The following USP24 variants were observed in gnomAD, a reference collection of about 807,000 sequenced individuals.
The protein encoded by USP24 is ubiquitin carboxyl-terminal hydrolase 24.
A neutral mutation model predicts 361.6 loss-of-function variants in USP24; 97 were observed. The observed-to-expected ratio is 0.27, with a 90% CI of 0.23 to 0.32. The LOEUF is 0.32. USP24 is among the 10% of genes least tolerant of loss of function. The pLI is 1.00. For synonymous variants in USP24, 1,098 were observed against 1,124.6 expected, an observed-to-expected ratio of 0.98 and a Z score of 0.47; for missense variants, 2,353 against 3,165.6, an observed-to-expected ratio of 0.74 and a Z score of 6.16.
At chr1:55,077,032 T>G (rs1645043433) in intron 62 of USP24, among the ~76,000 whole-genome samples, 1 of 152,070 alleles carries the variant, frequency 6.6e-6, no homozygotes, top group Non-Finnish European at 1.5e-5. Context: ...CTCACTCAAC[T>G]GTGAGCTCCT....
At chr1:55,202,349 A>G (rs1045000874) in intron 1 of USP24, among the ~76,000 whole-genome samples, 6 of 152,162 alleles carry the variant, frequency 3.9e-5, no homozygotes, top group Non-Finnish European at 8.8e-5. Context: ...CATCTGAAAC[A>G]GAAAAGTATT....
chr1:55,087,300 T>C (rs1408804659), intron 55 of USP24, among the ~76,000 whole-genome samples: 2 of 152,184 alleles, frequency 1.3e-5, no homozygotes, highest in African/African-American at 2.4e-5. Context: ...TCAGGAAGAA[T>C]GTAGAAGTAA....
chr1:55,168,742 C>T (rs573118057), intron 5 of USP24, among the ~76,000 whole-genome samples: 58 of 152,218 alleles, frequency 3.8e-4, no homozygotes, highest in Admixed American at 9.2e-4. Flanking sequence ...ACAGAATTGC[C>T]CTCATATGGC....
At chr1:55,137,978 T>C in intron 26 of USP24, 74 bp from the exon 27 acceptor site, 2 of 1,385,136 alleles carry the variant, frequency 1.4e-6, no homozygotes, top group African/African-American at 1.4e-5. Flanking sequence ...AGTGAACATC[T>C]ACTAGGTACT....
At chr1:55,129,907 A>G (rs1646542630) in intron 31 of USP24, among the ~76,000 whole-genome samples, 1 of 152,230 alleles carries the variant, frequency 6.6e-6, no homozygotes, top group Non-Finnish European at 1.5e-5. Flanking sequence ...AAAGATATAC[A>G]CCAAAGTTTT....
intron 6 of USP24, 145 bp downstream of exon 6, chr1:55,166,423 A>G (rs934939161): frequency 3.7e-6 from 3 of 804,380 alleles, no homozygotes; most frequent in Non-Finnish European, 6.0e-6. Flanking sequence ...CATACAAAAA[A>G]AGGAAGAAAA....
chr1:55,202,746 C>A (rs1019337959), intron 1 of USP24, among the ~76,000 whole-genome samples: 4 of 152,122 alleles, frequency 2.6e-5, no homozygotes, highest in African/African-American at 9.7e-5. Flanking sequence ...ATATTCAATA[C>A]CATGAGCAAC....
rs757372143 is a variant in USP24 at position 55,138,963 on chromosome 1, C to T, written c.2798G>A (p.Arg933His). The T allele has an allele frequency of 1.6e-5, 25 of 1,612,482 alleles. No individual in the cohort carries two copies. The highest frequency in any genetic ancestry group is 5.0e-5 in the Admixed American group (3 of 59,812). Residue 933 changes from arginine (R) to histidine (H), a missense_variant, in exon 25 of 68, where the codon CGC becomes CAC. By Grantham distance (29) the Arg-to-His change is conservative. Coordinates refer to ENST00000294383, the MANE Select transcript of USP24 (RefSeq NM_015306.3). ...IIERLLLLAERYVITIEDFYS... is the reference protein window; with the variant it reads ...IIERLLLLAEHYVITIEDFYS... Reference sequence around the variant, plus strand: ...GCTTACCTCTATAGTGATCACATAGCGCTCTGCCAGAAGCAGCAATCTCTC... The same window carrying T: ...GCTTACCTCTATAGTGATCACATAGTGCTCTGCCAGAAGCAGCAATCTCTC...
chr1:55,099,828 C>T lies in USP24; in HGVS notation c.5313G>A (p.Gln1771=), dbSNP rs1402263847. ...MWNKELYVRE[Q]QDAYEFFTSL... ...TAGTAAAGAATTCATATGCATCCTG[C>T]TGTTCTCTCACATAAAGTTCTTTAT... Residue 1771 remains glutamine, a synonymous_variant, in exon 45 of 68, where the codon CAG becomes CAA. Transcript: ENST00000294383. The T allele has an allele frequency of 1.9e-6, 3 of 1,558,920 alleles. No individual in the cohort carries two copies. In the Admixed American group the frequency reaches 5.8e-5, roughly 30 times the overall value.
chr1:55,076,731 C>T (rs1259434684), intron 62 of USP24, among the ~76,000 whole-genome samples: 2 of 151,744 alleles, frequency 1.3e-5, no homozygotes, highest in African/African-American at 4.8e-5. Context: ...TTTTTTTTTC[C>T]CCTGCTCTTC....
chr1:55,077,187 G>A lies in USP24; in HGVS notation c.7380+48C>T, dbSNP rs1308649559. 4 of 1,391,580 alleles carry A rather than the reference G, an allele frequency of 2.9e-6. No individual in the cohort carries two copies. In the Admixed American group the frequency reaches 9.9e-5, roughly 35 times the overall value. 86.2% of individuals were successfully genotyped at this position (1,391,580 alleles called of 1,614,324 possible). On this transcript the variant is annotated intron_variant, in intron 62 of 67. Coordinates refer to ENST00000294383, the MANE Select transcript of USP24 (RefSeq NM_015306.3). ...AATTTTTTATTTATAAACACTTGTT[G>A]ACTAATACATTCCTAAATAAAAGTG...
Position 55,083,353 on chromosome 1 carries a change from C to T in USP24, c.6894G>A (p.Arg2298=), listed in dbSNP as rs1645189291. ...AATGCCTCAGAAGAAGATCTCCAGCCCTAATTCCTTGCTGTCACAAGATAT... is the reference window on the plus strand; with the variant it reads ...AATGCCTCAGAAGAAGATCTCCAGCTCTAATTCCTTGCTGTCACAAGATAT... ...FNTFVQKQGI[R]AGDLLLRHSA... The change falls in exon 58 of 68, where the codon AGG becomes AGA. Residue 2298 remains arginine, a synonymous_variant. Coordinates refer to ENST00000294383, the MANE Select transcript of USP24 (RefSeq NM_015306.3). 6.2e-7 allele frequency: 1 copy of T among 1,613,470 alleles called. No homozygotes were observed. The highest frequency in any genetic ancestry group is 8.5e-7 in the Non-Finnish European group (1 of 1,179,632).
At position 55,142,765 on chromosome 1, in the gene USP24, C is replaced by A; in HGVS notation, c.2611G>T (p.Ala871Ser). The A allele has an allele frequency of 6.4e-7, 1 of 1,553,706 alleles. No homozygotes were observed. Among genetic ancestry groups the A allele is most frequent in the East Asian group, 2.3e-5 (1 of 42,966 alleles). Residue 871 changes from alanine to serine, a missense_variant, in exon 23 of 68, where the codon GCT becomes TCT. Transcript: ENST00000294383. The stretch of plus-strand genomic sequence containing the variant: ...ACTTCTAATCTTGTGTAGCAATCAG[C>A]AATGAATTTCTTATGTAAAGATACT... ...DSVSLHKKFIADCYTRLEAAS... is the reference protein window; with the variant it reads ...DSVSLHKKFISDCYTRLEAAS...
At chr1:55,176,329 C>A (rs1344718849) in intron 3 of USP24, 47 bp downstream of exon 3, 14 of 1,501,444 alleles carry the variant, frequency 9.3e-6, no homozygotes, top group African/African-American at 2.8e-5. Context: ...TTCACCCTGC[C>A]CCCACCCCGA....
In USP24 at chr1:55,096,591, T is replaced by C; in HGVS notation, c.5968A>G (p.Asn1990Asp). 6.2e-7 allele frequency: 1 copy of C among 1,612,902 alleles called. No individual in the cohort carries two copies. Among genetic ancestry groups the C allele is most frequent in the Non-Finnish European group, 8.5e-7 (1 of 1,179,552 alleles). ...GCGKGKWYKFNDTVIEEFDLN... is the reference protein window; with the variant it reads ...GCGKGKWYKFDDTVIEEFDLN... ...TCAAATTCTTCTATAACTGTGTCAT[T>C]AAATTTATACCACTTTCCTTTTCCA... is the stretch of plus-strand genomic sequence containing the variant. The change falls in exon 50 of 68, where the codon AAT (asparagine) becomes GAT (aspartate). Residue 1990 changes from asparagine (N) to aspartate (D), a missense_variant. This residue lies in a region of USP24 where 598 missense variants were observed against 761.9 expected (regional missense o/e 0.78). Coordinates refer to ENST00000294383, the MANE Select transcript of USP24 (RefSeq NM_015306.3).
Position 55,148,458 on chromosome 1 carries a change from CT to C in USP24, c.1968+4del, listed in dbSNP as rs1206070884. 1.3e-6 allele frequency: 2 copies of C among 1,557,814 alleles called. No homozygotes were observed. Among genetic ancestry groups the C allele is most frequent in the Non-Finnish European group, 1.7e-6 (2 of 1,149,028 alleles). The stretch of plus-strand genomic sequence containing the variant: ...TATAATAATAAAAAATAGCTATACC[CT>C]TACCTTGTCTTGCTTTTGATAGGTT... On this transcript the variant is annotated splice_donor_region_variant and intron_variant, in intron 17 of 67. Transcript: ENST00000294383.
rs200565193 is a variant in USP24 at position 55,158,916 on chromosome 1, A to C, written c.1189T>G (p.Ser397Ala). ...TTCATCTTAGCACTGAAATGTGGTG[A>C]TTTCAGCATGCGCAATAGAATATCT... ...RLDILLRMLK[S>A]PHFSAKMNSL... The change falls in exon 10 of 68, where the codon TCA becomes GCA. Residue 397 changes from serine (S) to alanine (A), a missense_variant. By Grantham distance (99) the Ser-to-Ala change is moderately conservative. Transcript: ENST00000294383. The C allele has an allele frequency of 2.5e-4, 394 of 1,572,992 alleles. 1 individual carries two copies. The highest frequency in any genetic ancestry group is 2.7e-4 in the Non-Finnish European group (313 of 1,157,158).
At chr1:55,151,811 G>T in intron 16 of USP24, 1 of 832,874 alleles carries the variant, frequency 1.2e-6, no homozygotes, top group Non-Finnish European at 1.4e-6. Context: ...TGGAACTTGG[G>T]AATTTTAAGA....
intron 12 of USP24, among the ~76,000 whole-genome samples, 197 bp from the exon 13 acceptor site, chr1:55,154,975 T>TA (rs1466533466): frequency 3.3e-5 from 5 of 151,892 alleles, no homozygotes; most frequent in African/African-American, 1.2e-4. Context: ...TGGCCTTATT[T>TA]AAATTCCTAG....
Sources: allele counts gnomAD v4.1 joint callset (sites outside exome capture counted in the v4.1 genomes callset), GRCh38; gene constraint gnomAD v4.1.1; regional missense constraint gnomAD v4.1.1; transcripts MANE v1.5; gene names NCBI Gene and HGNC (gene_info 2026-07-23, HGNC 2026-07-21).